TM6SF2: variants seen among roughly 807,000 people sequenced by gnomAD.
The protein encoded by TM6SF2 is transmembrane 6 superfamily member 2.
Under a neutral mutation model 41.0 loss-of-function variants are expected in TM6SF2, and 29 were observed. The ratio of observed to expected loss-of-function variants is 0.71; its 90% CI spans 0.53 to 0.96. The LOEUF (loss-of-function observed/expected upper bound fraction) is 0.96. TM6SF2 is among the 50% of genes least tolerant of loss of function. The pLI is 0.00. For synonymous variants in TM6SF2, 200 were observed against 209.1 expected, an observed-to-expected ratio of 0.96 and a Z score of 0.37; for missense variants, 475 against 499.0, an observed-to-expected ratio of 0.95 and a Z score of 0.46.
chr19:19,266,403 A>C, intron 9 of TM6SF2, 87 bp downstream of exon 9: 1 of 1,554,530 alleles, frequency 6.4e-7, no homozygotes, highest in Non-Finnish European at 8.7e-7. Flanking sequence ...TCATCATTAC[A>C]GTGCCCAGGG....
intron 1 of TM6SF2, 60 bp downstream of exon 1, chr19:19,273,061 T>TCCCCCCCCCCCCCCCCCCCCCCCCCCCC: frequency 9.8e-6 from 3 of 305,468 alleles, no homozygotes; most frequent in South Asian, 2.9e-5. Context: ...CCTCCAGTCC[T>TCCCCCCCCCCCCCCCCCCCCCCCCCCCC]CCCCGCCCCC....
rs1238522380 is a variant in TM6SF2 at position 19,273,190 on chromosome 19, T to A, written c.26A>T (p.Lys9Met). ...GGCGCTCAGCGACAGCGCCGCGATC[T>A]TGCCGGCCAGCGGCGGGATGTCCAT... Reference protein sequence around the residue: MDIPPLAGKIAALSLSALP... With the variant: MDIPPLAGMIAALSLSALP... Residue 9 changes from lysine (K) to methionine (M), a missense_variant, in exon 1 of 10, where the codon AAG (lysine) becomes ATG (methionine). Lys to Met is a moderately conservative substitution (Grantham distance 95). This residue lies in a region of TM6SF2 where 238 missense variants were observed against 228.6 expected (regional missense o/e 1.04). Transcript: ENST00000389363. 1.4e-6 allele frequency: 2 copies of A among 1,457,296 alleles called. No individual in the cohort carries two copies. The highest frequency in any genetic ancestry group is 2.5e-5 in the Admixed American group (1 of 40,458). 90.3% of individuals were successfully genotyped at this position (1,457,296 alleles called of 1,614,324 possible).
Position 19,273,061 on chromosome 19 carries a change from T to TGGCCCCCCCCCCCC in TM6SF2, c.95+59_95+60insGGGGGGGGGGGGCC. ...CCTCCCTCCAGCCCACCTCCAGTCCTCCCCGCCCCCGCCCGCCCCCACTGT... is the reference window on the plus strand; with the variant it reads ...CCTCCCTCCAGCCCACCTCCAGTCCTGGCCCCCCCCCCCCCCCCGCCCCCGCCCGCCCCCACTGT... On this transcript the variant is annotated intron_variant, in intron 1 of 9. Coordinates refer to ENST00000389363, the MANE Select transcript of TM6SF2 (RefSeq NM_001001524.3). 2.3e-5 allele frequency: 7 copies of TGGCCCCCCCCCCCC among 305,460 alleles called. 1 individual carries two copies. Among genetic ancestry groups the TGGCCCCCCCCCCCC allele is most frequent in the East Asian group, 8.6e-5 (1 of 11,588 alleles). The allele number at this position is 305,460 out of a possible 1,614,324, so 18.9% of individuals were successfully genotyped here.
chr19:19,264,809 T>C lies in TM6SF2; in HGVS notation c.989A>G (p.Glu330Gly), dbSNP rs1197025753. Residue 330 changes from glutamate to glycine, a missense_variant, in exon 10 of 10, where the codon GAG becomes GGG. Physicochemically the swap from Glu to Gly is moderately conservative, Grantham distance 98. Around this residue, in one of 3 missense-constraint regions of TM6SF2, gnomAD observed 190 missense variants for 190.2 expected, o/e 1.00. Transcript: ENST00000389363. ...LRTPFTYRVPEDTWGCFFVCN... is the reference protein window; with the variant it reads ...LRTPFTYRVPGDTWGCFFVCN... ...CACGAAGAAGCAGCCCCAGGTGTCC[T>C]CAGGCACACGGTAGGTGAAGGGTGT... The C allele has an allele frequency of 1.2e-6, 2 of 1,608,106 alleles. No individual in the cohort carries two copies. Among genetic ancestry groups the C allele is most frequent in the Admixed American group, 3.4e-5 (2 of 59,240 alleles).
At chr19:19,268,402 C>T (rs753726067) in intron 6 of TM6SF2, among the ~76,000 whole-genome samples, 4 of 152,048 alleles carry the variant, frequency 2.6e-5, no homozygotes, top group Non-Finnish European at 4.4e-5. Context: ...GTTAAAAAAT[C>T]TGGCTGTGTT....
chr19:19,268,594 C>T (rs763989049), intron 6 of TM6SF2, 36 bp downstream of exon 6: 1 of 1,533,690 alleles, frequency 6.5e-7, no homozygotes, highest in African/African-American at 1.4e-5. Flanking sequence ...AGTTCAGGCA[C>T]ATTGGGACAA....
At chr19:19,269,793 C>G (rs1324997654) in intron 4 of TM6SF2, 24 bp from the exon 5 acceptor site, 1 of 1,613,832 alleles carries the variant, frequency 6.2e-7, no homozygotes, top group Admixed American at 1.7e-5. Flanking sequence ...GGAGGGGTGA[C>G]CAGCAGGTAG....
In TM6SF2 at chr19:19,265,038, GTTTTTTTTT is replaced by G. The variant is rs550015865; in HGVS notation, c.925-174_925-166del. On this transcript the variant is annotated intron_variant, in intron 9 of 9. Coordinates refer to ENST00000389363, the MANE Select transcript of TM6SF2 (RefSeq NM_001001524.3). ...TTTCCCATCTCCAGTCCATCTATCT[GTTTTTTTTT>G]TTTTTTTTTTTTGAGACACAGTCTC... 1.1e-3 allele frequency among the ~76,000 whole-genome samples: 134 copies of G among 121,062 alleles called. 1 individual carries two copies. The highest frequency in any genetic ancestry group is 1.6e-3 in the Admixed American group (19 of 11,874). The allele number at this position is 121,062 out of a possible 152,430, so 79.4% of individuals were successfully genotyped here.
intron 9 of TM6SF2, among the ~76,000 whole-genome samples, chr19:19,265,106 A>G (rs1427121726): frequency 6.8e-6 from 1 of 147,306 alleles, no homozygotes; most frequent in East Asian, 2.0e-4. Flanking sequence ...CAGTGGTGCA[A>G]TCTCGGTTCA....
chr19:19,267,583 A>G lies in TM6SF2; in HGVS notation c.804+38T>C, dbSNP rs763289803. The G allele has an allele frequency of 2.7e-6, 4 of 1,480,972 alleles. No homozygotes were observed. In the Admixed American group the frequency reaches 7.1e-5, roughly 26 times the overall value. 91.7% of individuals were successfully genotyped at this position (1,480,972 alleles called of 1,614,324 possible). A position where few individuals can be genotyped will look rare whatever the true frequency, so the allele number is the denominator to read the frequency against. Reference sequence around the variant, plus strand: ...AAAGAGGCCCAGTGGACCCCTACCCATGGCAGGGGTGTGGTCTTCTCCCCG... The same window carrying G: ...AAAGAGGCCCAGTGGACCCCTACCCGTGGCAGGGGTGTGGTCTTCTCCCCG... On this transcript the variant is annotated intron_variant, in intron 8 of 9. Coordinates refer to ENST00000389363, the MANE Select transcript of TM6SF2 (RefSeq NM_001001524.3).
chr19:19,272,005 A>G (rs1323979463), intron 1 of TM6SF2, among the ~76,000 whole-genome samples: 2 of 152,138 alleles, frequency 1.3e-5, no homozygotes, highest in Non-Finnish European at 2.9e-5. Flanking sequence ...CCTCCCAGCT[A>G]AAGTCCAAAT....
At chr19:19,269,281 C>T (rs1045313499) in intron 5 of TM6SF2, among the ~76,000 whole-genome samples, 1 of 152,214 alleles carries the variant, frequency 6.6e-6, no homozygotes, top group African/African-American at 2.4e-5. Context: ...GGGTTCTTTG[C>T]TTCCTACAAA....
chr19:19,267,689 C>T lies in TM6SF2; in HGVS notation c.736G>A (p.Ala246Thr). 7 of 1,613,850 alleles carry T rather than the reference C, an allele frequency of 4.3e-6. No homozygotes were observed. The highest frequency in any genetic ancestry group is 5.9e-6 in the Non-Finnish European group (7 of 1,179,906). Reference protein sequence around the residue: ...GLVVLDCPTDACFVYIYQYEP... With the variant: ...GLVVLDCPTDTCFVYIYQYEP... ...TACTGGTAGATATAGACAAAGCAGG[C>T]ATCTGTGGGGCAATCAAGCACCACC... Residue 246 changes from alanine to threonine, a missense_variant, in exon 8 of 10, where the codon GCC becomes ACC. Around this residue, in one of 3 missense-constraint regions of TM6SF2, gnomAD observed 190 missense variants for 190.2 expected, o/e 1.00. Transcript: ENST00000389363.
Position 19,264,380 on chromosome 19 carries a change from AG to A in TM6SF2, c.*283del, listed in dbSNP as rs2146574118. The A allele has an allele frequency of 7.1e-6, 2 of 282,554 alleles. No individual in the cohort carries two copies. Among genetic ancestry groups the A allele is most frequent in the South Asian group, 3.3e-4 (2 of 6,078 alleles). 17.5% of individuals were successfully genotyped at this position (282,554 alleles called of 1,614,324 possible). A position where few individuals can be genotyped will look rare whatever the true frequency, so the allele number is the denominator to read the frequency against. On this transcript the variant is annotated 3_prime_UTR_variant, in exon 10 of 10. Coordinates refer to ENST00000389363, the MANE Select transcript of TM6SF2 (RefSeq NM_001001524.3). ...AGGCAGTGATATTTTGGAAATTGAAAGGGTTTTTACTGAAAGGATCCATGGG... is the reference window on the plus strand; with the variant it reads ...AGGCAGTGATATTTTGGAAATTGAAAGGTTTTTACTGAAAGGATCCATGGG...
chr19:19,270,286 C>A lies in TM6SF2; in HGVS notation c.298-10G>T. On this transcript the variant is annotated splice_polypyrimidine_tract_variant and intron_variant, in intron 3 of 9. Coordinates refer to ENST00000389363, the MANE Select transcript of TM6SF2 (RefSeq NM_001001524.3). ...GCAGGTATGGCTCTCCCTGTGGGGG[C>A]AGGTGGGAGACTCAGACGGGCAGTG... The A allele has an allele frequency of 6.2e-7, 1 of 1,614,186 alleles. No individual in the cohort carries two copies. Among genetic ancestry groups the A allele is most frequent in the Non-Finnish European group, 8.5e-7 (1 of 1,180,026 alleles).
At chr19:19,268,888 A>C (rs2061013047) in intron 5 of TM6SF2, 134 bp from the exon 6 acceptor site, 26 of 1,050,534 alleles carry the variant, frequency 2.5e-5, no homozygotes, top group Non-Finnish European at 3.0e-5. Flanking sequence ...GGCTCACTGC[A>C]ACCTCTGCCT....
At chr19:19,269,324 G>C (rs1031040164) in intron 5 of TM6SF2, among the ~76,000 whole-genome samples, 22 of 152,102 alleles carry the variant, frequency 1.4e-4, no homozygotes, top group Non-Finnish European at 1.6e-4. Flanking sequence ...CTGAGGTTTT[G>C]CCATGCCAAC....
intron 7 of TM6SF2, 102 bp from the exon 8 acceptor site, chr19:19,267,815 C>A: frequency 2.4e-6 from 3 of 1,245,244 alleles, no homozygotes; most frequent in Non-Finnish European, 2.3e-6. Flanking sequence ...TCTCCCAGCC[C>A]AGCTCAAGTT....
chr19:19,266,902 A>G (rs929299009), intron 8 of TM6SF2, among the ~76,000 whole-genome samples: 2 of 152,294 alleles, frequency 1.3e-5, no homozygotes, highest in Non-Finnish European at 2.9e-5. Flanking sequence ...TGGGCAAGTG[A>G]TTCACGCTGG....
Sources: allele counts gnomAD v4.1 joint callset (sites outside exome capture counted in the v4.1 genomes callset), GRCh38; gene constraint gnomAD v4.1.1; regional missense constraint gnomAD v4.1.1; transcripts MANE v1.5; gene names NCBI Gene and HGNC (gene_info 2026-07-23, HGNC 2026-07-21).